Variants in ANXA2 observed in about 807,000 individuals in gnomAD.
The protein encoded by ANXA2 is annexin A2, also known as annexin II.
Under a neutral mutation model 47.3 loss-of-function variants are expected in ANXA2, and 28 were observed. The ratio of observed to expected loss-of-function variants is 0.59; its 90% CI spans 0.44 to 0.81. The LOEUF (loss-of-function observed/expected upper bound fraction) is 0.81. Among genes scored for constraint, ANXA2 ranks in the 40% least tolerant of loss-of-function variants. ANXA2 has a pLI of 0.00. For missense variants in ANXA2, 384 were observed against 414.3 expected (o/e 0.93, Z 0.64); for synonymous variants, 172 against 155.5 (o/e 1.11, Z -0.79).
chr15:60,351,673 T>C, intron 10 of ANXA2, 51 bp downstream of exon 10: 1 of 1,234,096 alleles, frequency 8.1e-7, no homozygotes, highest in Non-Finnish European at 1.2e-6. Flanking sequence ...CATCTGTCAC[T>C]TCTGCTCTGG....
intron 9 of ANXA2, 88 bp from the exon 10 acceptor site, chr15:60,351,907 T>C: frequency 1.1e-6 from 1 of 928,448 alleles, no homozygotes; most frequent in East Asian, 2.5e-5. Context: ...CACCATAATT[T>C]TTTTAAAAAT....
intron 1 of ANXA2, chr15:60,387,049 CT>C (rs2062942695): frequency 6.6e-6 from 1 of 152,218 alleles, no homozygotes; most frequent in Admixed American, 6.5e-5. Flanking sequence ...ATTCTCTTCA[CT>C]TTGTTTAGTC....
chr15:60,390,305 A>T, intron 1 of ANXA2: 1 of 1,049,558 alleles, frequency 9.5e-7, no homozygotes, highest in Non-Finnish European at 1.2e-6. Flanking sequence ...GTTTAATGGC[A>T]AACATTTTCA....
At position 60,352,477 on chromosome 15, in the gene ANXA2, C is replaced by G. The variant is rs1305675877; in HGVS notation, c.589-1G>C. 6.2e-7 allele frequency: 1 copy of G among 1,611,204 alleles called. No homozygotes were observed. The highest frequency in any genetic ancestry group is 1.3e-5 in the African/African-American group (1 of 74,800). On this transcript the variant is annotated splice_acceptor_variant, in intron 8 of 12. Coordinates refer to ENST00000451270, the MANE Select transcript of ANXA2 (RefSeq NM_004039.3). LOFTEE classifies it high-confidence loss of function. The surrounding 1 kb of genome is among the most constrained non-coding windows in gnomAD (Gnocchi z 4.2). ...TCTTCACTCCAGCGTCATAGAGATC[C>G]TACGAGTACAACCAACCAGGAAAAG... is the stretch of plus-strand genomic sequence containing the variant.
rs554809008 is a variant in ANXA2, at chr15:60,379,679, C to G, written c.148+2663G>C. Among the ~76,000 whole-genome samples the G allele has an allele frequency of 1.3e-4, 20 of 152,324 alleles. 1 individual carries two copies. The highest frequency in any genetic ancestry group is 4.1e-4 in the African/African-American group (17 of 41,576). On this transcript the variant is annotated intron_variant, in intron 3 of 12. Coordinates refer to ENST00000451270, the MANE Select transcript of ANXA2 (RefSeq NM_004039.3). ...CTACATCAGAGGTTACTTTGAAGTT[C>G]ATCTAAGATGAATGTTCCTGAAGTG...
At chr15:60,351,072 T>C (rs542241193) in intron 11 of ANXA2, 121 bp downstream of exon 11, 6 of 911,220 alleles carry the variant, frequency 6.6e-6, no homozygotes, top group East Asian at 2.5e-5. Context: ...GACTAGTGTG[T>C]TCCTGCATCC....
chr15:60,349,029 G>T lies in ANXA2; in HGVS notation c.960+46C>A, dbSNP rs531876689. On this transcript the variant is annotated intron_variant, in intron 12 of 12. Transcript: ENST00000451270. ...TGCCAGGCCACCTGCCAGGGCCCGG[G>T]GTGCTCTGGACGGCAGGGCAGGCTG... is the stretch of plus-strand genomic sequence containing the variant. 2.5e-6 allele frequency: 4 copies of T among 1,610,042 alleles called. No homozygotes were observed. In the South Asian group the frequency reaches 3.3e-5, roughly 13 times the overall value.
chr15:60,393,279 A>G (rs1175181812), intron 1 of ANXA2: 1 of 1,031,680 alleles, frequency 9.7e-7, no homozygotes, highest in Non-Finnish European at 1.2e-6. Context: ...CTCTGCTGGT[A>G]TCCTGATCTG....
At chr15:60,396,434 A>C (rs888259411) in intron 1 of ANXA2, 5 of 151,576 alleles carry the variant, frequency 3.3e-5, no homozygotes, top group African/African-American at 1.2e-4. Context: ...GTCTCTAAGG[A>C]GGTGGAAGGT....
At chr15:60,390,389 A>G in intron 1 of ANXA2, 1 of 646,890 alleles carries the variant, frequency 1.5e-6, no homozygotes, top group Non-Finnish European at 2.5e-6. Context: ...CATTCCTAAA[A>G]CCCACTGGGC....
chr15:60,385,844 C>A, intron 2 of ANXA2, 184 bp downstream of exon 2: 1 of 525,280 alleles, frequency 1.9e-6, no homozygotes, highest in Non-Finnish European at 3.4e-6. Context: ...GTTTCCAGTG[C>A]CATGATATTT....
chr15:60,370,317 AG>A (rs1367616366), intron 3 of ANXA2, among the ~76,000 whole-genome samples: 1 of 152,224 alleles, frequency 6.6e-6, no homozygotes, highest in Non-Finnish European at 1.5e-5. Context: ...CACCTGCATC[AG>A]CTATTTCTCC....
At chr15:60,378,641 A>T (rs2062813221) in intron 3 of ANXA2, among the ~76,000 whole-genome samples, 1 of 152,172 alleles carries the variant, frequency 6.6e-6, no homozygotes. Context: ...GGACTTGCAA[A>T]ACCTACTTAC....
At chr15:60,350,658 G>A (rs1358166148) in intron 11 of ANXA2, among the ~76,000 whole-genome samples, 3 of 152,174 alleles carry the variant, frequency 2.0e-5, no homozygotes, top group Non-Finnish European at 4.4e-5. Flanking sequence ...GGTTCGTTTA[G>A]GGAAGGGTTG....
At position 60,352,411 on chromosome 15, in the gene ANXA2, G is replaced by T; in HGVS notation, c.654C>A (p.Thr218=). 1.2e-6 allele frequency: 2 copies of T among 1,613,626 alleles called. No homozygotes were observed. Among genetic ancestry groups the T allele is most frequent in the East Asian group, 2.2e-5 (1 of 44,864 alleles). The change falls in exon 9 of 13, where the codon ACC becomes ACA. Residue 218 remains threonine, a synonymous_variant. Coordinates refer to ENST00000451270, the MANE Select transcript of ANXA2 (RefSeq NM_004039.3). The surrounding 1 kb of genome is among the most constrained non-coding windows in gnomAD (Gnocchi z 4.2). ...TCTGGAGGTGGGGCACGCTCCGCTC[G>T]GTCATGATGCTGATCCACTTGGGAA... is the stretch of plus-strand genomic sequence containing the variant. The part of the protein sequence containing the change: ...TDVPKWISIM[T]ERSVPHLQKV...
intron 5 of ANXA2, among the ~76,000 whole-genome samples, chr15:60,360,367 A>G (rs988085033): frequency 6.6e-6 from 1 of 152,260 alleles, no homozygotes; most frequent in African/African-American, 2.4e-5. Context: ...CCAGGTTCAA[A>G]AGAACTTTAC....
intron 3 of ANXA2, among the ~76,000 whole-genome samples, chr15:60,373,197 A>G (rs577985386): frequency 1.3e-5 from 2 of 152,310 alleles, no homozygotes; most frequent in African/African-American, 4.8e-5. Context: ...ACTGGGCTGA[A>G]ATTTTTACAT....
intron 3 of ANXA2, among the ~76,000 whole-genome samples, chr15:60,378,793 C>T (rs558986105): frequency 2.0e-5 from 3 of 152,100 alleles, no homozygotes; most frequent in Non-Finnish European, 2.9e-5. Flanking sequence ...TGGCAAAACC[C>T]CGTCTCTACT....
At chr15:60,369,792 C>T (rs1168052240) in intron 3 of ANXA2, among the ~76,000 whole-genome samples, 1 of 152,212 alleles carries the variant, frequency 6.6e-6, no homozygotes, top group Admixed American at 6.5e-5. Context: ...TAGAAATCTA[C>T]CTATCTAAAA....
Sources: allele counts gnomAD v4.1 joint callset (sites outside exome capture counted in the v4.1 genomes callset), GRCh38; gene constraint gnomAD v4.1.1; non-coding constraint Gnocchi (gnomAD v3.1); transcripts MANE v1.5; gene names NCBI Gene and HGNC (gene_info 2026-07-23, HGNC 2026-07-21).